FAT1: variants seen among roughly 807,000 people sequenced by gnomAD.
The protein encoded by FAT1 is protocadherin Fat 1.
In FAT1, 171 loss-of-function variants were observed where a neutral mutation model predicts 329.8. The ratio of observed to expected loss-of-function variants is 0.52; its 90% CI spans 0.46 to 0.59. The LOEUF is 0.59. Among genes scored for constraint, FAT1 ranks in the 20% least tolerant of loss-of-function variants. The pLI is 0.00. For synonymous variants in FAT1, 2,233 were observed against 2,228.6 expected (o/e 1.00, Z -0.06); for missense variants, 5,672 against 5,774.4 (o/e 0.98, Z 0.57).
intron 2 of FAT1, among the ~76,000 whole-genome samples, chr4:186,675,416 G>C (rs897165439): frequency 6.6e-6 from 1 of 151,946 alleles, no homozygotes; most frequent in Non-Finnish European, 1.5e-5. Flanking sequence ...GCAGTGAGTT[G>C]AGATTGCGCC....
At chr4:186,608,937 A>G (rs931627431) in intron 16 of FAT1, among the ~76,000 whole-genome samples, 1 of 152,232 alleles carries the variant, frequency 6.6e-6, no homozygotes, top group Non-Finnish European at 1.5e-5. Flanking sequence ...GTCTCAGAAC[A>G]CTGGAACCAA....
intron 16 of FAT1, among the ~76,000 whole-genome samples, chr4:186,608,065 A>AT (rs1197988581): frequency 6.6e-6 from 1 of 152,208 alleles, no homozygotes; most frequent in African/African-American, 2.4e-5. Context: ...TTTATACCTC[A>AT]TAACTTTTCT....
rs1025675457 is a variant in FAT1 at position 186,699,930 on chromosome 4, A to G, written c.3265+6633T>C. Among the ~76,000 whole-genome samples, 4 of 152,332 alleles carry G rather than the reference A, an allele frequency of 2.6e-5. No homozygotes were observed. The South Asian group carries it at 6.2e-4, about 24-fold the overall frequency. On this transcript the variant is annotated intron_variant, in intron 2 of 26. Transcript: ENST00000441802. ...GTAATACGGAAAGAACAGACCAGGT[A>G]TTAAGTGAACATTAAACCTCTACAC...
chr4:186,707,903 C>G lies in FAT1; in HGVS notation c.1925G>C (p.Ser642Thr), dbSNP rs1469002357. ...DGLGAKVSFH[S>T]LRITATDGEN... ...TCCATCTGTAGCTGTGATTCTCAGA[C>G]TGTGGAAAGACACCTTTGCACCTAA... The change falls in exon 2 of 27, where the codon AGT becomes ACT. Residue 642 changes from serine to threonine, a missense_variant. Physicochemically the swap from Ser to Thr is moderately conservative, Grantham distance 58. Transcript: ENST00000441802. 5 of 1,613,992 alleles carry G rather than the reference C, an allele frequency of 3.1e-6. No individual in the cohort carries two copies. The highest frequency in any genetic ancestry group is 4.2e-6 in the Non-Finnish European group (5 of 1,179,896).
rs2126686352 is a variant in FAT1 at position 186,707,182 on chromosome 4, A to G, written c.2646T>C (p.Pro882=). Reference sequence around the variant, plus strand: ...GCTCATGCTGCAGCTCTCGATCCAGAGGGCGTGCGATGTTAACAACACCCG... The same window carrying G: ...GCTCATGCTGCAGCTCTCGATCCAGGGGGCGTGCGATGTTAACAACACCCG... The part of the protein sequence containing the change: ...SVTGVVNIAR[P]LDRELQHEHS... The change falls in exon 2 of 27, where the codon CCT becomes CCC. Residue 882 remains proline (P), a synonymous_variant. Coordinates refer to ENST00000441802, the MANE Select transcript of FAT1 (RefSeq NM_005245.4). 3 of 1,613,950 alleles carry G rather than the reference A, an allele frequency of 1.9e-6. No individual in the cohort carries two copies. Among genetic ancestry groups the G allele is most frequent in the Non-Finnish European group, 1.7e-6 (2 of 1,179,898 alleles).
chr4:186,604,615 A>C, intron 17 of FAT1, 41 bp from the exon 18 acceptor site: 1 of 1,401,206 alleles, frequency 7.1e-7, no homozygotes, highest in Non-Finnish European at 9.8e-7. Flanking sequence ...AAATCCTGGA[A>C]CACAGCCAAA....
At chr4:186,622,974 A>C (rs933360368) in intron 9 of FAT1, among the ~76,000 whole-genome samples, 3 of 152,236 alleles carry the variant, frequency 2.0e-5, no homozygotes, top group Non-Finnish European at 2.9e-5. Flanking sequence ...TGAGCTGCAC[A>C]CCAGGGATTC....
chr4:186,598,086 TG>T lies in FAT1; in HGVS notation c.12142del (p.His4048ThrfsTer4). 6.2e-7 allele frequency: 1 copy of T among 1,613,800 alleles called. No individual in the cohort carries two copies. Among genetic ancestry groups the T allele is most frequent in the Non-Finnish European group, 8.5e-7 (1 of 1,179,818 alleles). ...CKCSALYIGTHCEISVNPCSS... is the reference protein window; with the variant it reads ...CKCSALYIGTXCEISVNPCSS... ...ACACGGATTGACGCTTATCTCACAG[TG>T]GGTCCCTATGTACAAGGCACTGCAT... is the stretch of plus-strand genomic sequence containing the variant. On this transcript the variant is annotated frameshift_variant, in exon 23 of 27. Coordinates refer to ENST00000441802, the MANE Select transcript of FAT1 (RefSeq NM_005245.4). LOFTEE classifies it high-confidence loss of function.
intron 22 of FAT1, chr4:186,598,458 T>A (rs1266832393): frequency 5.2e-6 from 1 of 191,046 alleles, no homozygotes; most frequent in Admixed American, 6.0e-5. Flanking sequence ...TTATTTGCAA[T>A]TCACAAGCAT....
chr4:186,724,545 C>T (rs916735129), upstream of FAT1, among the ~76,000 whole-genome samples: 1 of 152,204 alleles, frequency 6.6e-6, no homozygotes, highest in Non-Finnish European at 1.5e-5. The surrounding 1 kb of genome is among the most constrained non-coding windows in gnomAD (Gnocchi z 5.3). Context: ...CTTCCTAGCC[C>T]GGGAGTCGGC....
At chr4:186,610,737 T>C (rs953977062) in intron 14 of FAT1, among the ~76,000 whole-genome samples, 1 of 141,586 alleles carries the variant, frequency 7.1e-6, no homozygotes, top group African/African-American at 2.6e-5. Context: ...AATATAAATT[T>C]ATATAATTTA....
At chr4:186,693,770 C>T (rs1743904490) in intron 2 of FAT1, among the ~76,000 whole-genome samples, 1 of 152,194 alleles carries the variant, frequency 6.6e-6, no homozygotes, top group South Asian at 2.1e-4. Context: ...CTGTAATTTC[C>T]TTCACAATAC....
In FAT1 at chr4:186,588,561, T is replaced by C. The variant is rs1212111739; in HGVS notation, c.*31A>G. ...TTACTCACATCACCTCTAGGTTCAC[T>C]AAAGTCAGGCACTTTGGGGGGAGTT... is the stretch of plus-strand genomic sequence containing the variant. On this transcript the variant is annotated 3_prime_UTR_variant, in exon 27 of 27. Coordinates refer to ENST00000441802, the MANE Select transcript of FAT1 (RefSeq NM_005245.4). 1.3e-6 allele frequency: 2 copies of C among 1,588,122 alleles called. No homozygotes were observed.
In FAT1 at chr4:186,601,315, T is replaced by C. The variant is rs748267846; in HGVS notation, c.11594A>G (p.His3865Arg). ...TCCTCGAGCATACATGACAACCGCA[T>C]GCGTGGAATATGTTCTGAGCCTCAT... ...LTMRLRTYST[H>R]AVVMYARGTD... Residue 3865 changes from histidine to arginine, a missense_variant, in exon 21 of 27, where the codon CAT becomes CGT. Physicochemically the swap from His to Arg is conservative, Grantham distance 29. Around this residue, in one of 2 missense-constraint regions of FAT1, gnomAD observed 1,706 missense variants for 1,859.1 expected, o/e 0.92. Transcript: ENST00000441802. 2.5e-6 allele frequency: 4 copies of C among 1,612,142 alleles called. No individual in the cohort carries two copies. The highest frequency in any genetic ancestry group is 3.3e-5 in the Admixed American group (2 of 59,988).
At chr4:186,595,296 G>GGTGTGT (rs34794741) in intron 26 of FAT1, among the ~76,000 whole-genome samples, 3 of 149,958 alleles carry the variant, frequency 2.0e-5, no homozygotes, top group East Asian at 2.0e-4. Context: ...TCTTAGAGGG[G>GGTGTGT]GTGTGTGTGT....
chr4:186,618,058 T>C lies in FAT1; in HGVS notation c.8528A>G (p.Gln2843Arg), dbSNP rs1399136333. 24 of 1,613,924 alleles carry C rather than the reference T, an allele frequency of 1.5e-5. No homozygotes were observed. The highest frequency in any genetic ancestry group is 2.0e-5 in the Non-Finnish European group (24 of 1,179,904). Residue 2843 changes from glutamine to arginine, a missense_variant, in exon 10 of 27, where the codon CAA (glutamine) becomes CGA (arginine). This residue lies in a region of FAT1 where 3,966 missense variants were observed against 3,915.2 expected (regional missense o/e 1.01). Coordinates refer to ENST00000441802, the MANE Select transcript of FAT1 (RefSeq NM_005245.4). ...ASDADSGTNG[Q>R]VMYSLDQSQS... ...TGACTGATCCAGGCTATACATAACT[T>C]GGCCGTTGGTTCCTGAGTCAGCATC...
chr4:186,621,226 T>C lies in FAT1; in HGVS notation c.5360A>G (p.Asp1787Gly), dbSNP rs201132286. Residue 1787 changes from aspartate to glycine, a missense_variant, in exon 10 of 27, where the codon GAC becomes GGC. Coordinates refer to ENST00000441802, the MANE Select transcript of FAT1 (RefSeq NM_005245.4). ...TCGAATCACCAGTGGGACATTCCTG[T>C]CTGTTAGGACCACGCTGTTAATTGA... Reference protein sequence around the residue: ...SASINSVVLTDRNVPLVIRAA... With the variant: ...SASINSVVLTGRNVPLVIRAA... The C allele has an allele frequency of 2.4e-5, 39 of 1,613,922 alleles. No homozygotes were observed. In the African/African-American group the frequency reaches 5.1e-4, roughly 21 times the overall value.
chr4:186,646,004 CAT>C (rs1464748068), intron 3 of FAT1, among the ~76,000 whole-genome samples: 42 of 135,016 alleles, frequency 3.1e-4, no homozygotes, highest in South Asian at 1.2e-3. Flanking sequence ...CACACACACA[CAT>C]GAAAGATGGC....
At chr4:186,683,883 G>T (rs564625903) in intron 2 of FAT1, among the ~76,000 whole-genome samples, 1 of 151,562 alleles carries the variant, frequency 6.6e-6, no homozygotes, top group East Asian at 1.9e-4. Flanking sequence ...CTTCCAAAAA[G>T]ATTCAGAGGG....
Sources: gnomAD v4.1 joint callset for allele counts (sites outside exome capture counted in the v4.1 genomes callset) on GRCh38, gnomAD v4.1.1 for gene constraint, gnomAD v4.1.1 regional missense constraint, Gnocchi (gnomAD v3.1) non-coding constraint, MANE v1.5 for transcripts, NCBI Gene and HGNC (gene_info 2026-07-23, HGNC 2026-07-21) for gene names.